Variants in ITGA8 observed in about 807,000 individuals in gnomAD.
ITGA8 encodes the protein integrin alpha-8.
ITGA8 carries 91 observed loss-of-function variants against 142.3 expected under a neutral mutation model. That is an observed-to-expected ratio of 0.64 (90% confidence interval 0.54 to 0.76). The LOEUF is 0.76. Among genes scored for constraint, ITGA8 ranks in the 30% least tolerant of loss-of-function variants. The pLI is 0.00. For missense variants in ITGA8, 1,406 were observed against 1,327.7 expected, an observed-to-expected ratio of 1.06 and a Z score of -0.92; for synonymous variants, 505 against 485.2, an observed-to-expected ratio of 1.04 and a Z score of -0.54.
chr10:15,519,271 A>G lies in ITGA8; in HGVS notation c.3105+19T>C, dbSNP rs769974883. On this transcript the variant is annotated intron_variant, in intron 29 of 29. Transcript: ENST00000378076. ...ACAGCCCCTCTAGTTTAAAAGGAAA[A>G]CAAAGTAAATCAACTTACCTTCCAT... 6.2e-7 allele frequency: 1 copy of G among 1,612,652 alleles called. No individual in the cohort carries two copies. Among genetic ancestry groups the G allele is most frequent in the South Asian group, 1.1e-5 (1 of 90,814 alleles).
intron 27 of ITGA8, among the ~76,000 whole-genome samples, chr10:15,534,948 A>G (rs1833390940): frequency 6.6e-6 from 1 of 152,088 alleles, no homozygotes; most frequent in African/African-American, 2.4e-5. Context: ...CGGCTCCCTC[A>G]GCTTGCCGGG....
chr10:15,518,818 C>T (rs577532125), intron 29 of ITGA8, among the ~76,000 whole-genome samples: 3 of 152,232 alleles, frequency 2.0e-5, no homozygotes, highest in African/African-American at 7.2e-5. Context: ...ATCTATTTGG[C>T]CTCATTAGTA....
intron 7 of ITGA8, 78 bp from the exon 8 acceptor site, chr10:15,671,725 G>A (rs905081648): frequency 5.8e-5 from 62 of 1,074,138 alleles, no homozygotes; most frequent in Middle Eastern, 4.0e-4. Context: ...AAAGGTGAAA[G>A]GGCTACCATG....
intron 8 of ITGA8, among the ~76,000 whole-genome samples, chr10:15,665,476 C>T (rs995019126): frequency 3.2e-4 from 49 of 152,232 alleles, no homozygotes; most frequent in African/African-American, 1.1e-3. Context: ...TGCCTGTTCA[C>T]TCTGATGGTA....
At chr10:15,573,599 G>T (rs1834228379) in intron 24 of ITGA8, among the ~76,000 whole-genome samples, 1 of 151,974 alleles carries the variant, frequency 6.6e-6, no homozygotes, top group Non-Finnish European at 1.5e-5. Context: ...AGGAGTTGAG[G>T]CATCTTCCCT....
At chr10:15,654,349 T>C (rs1834145215) in intron 11 of ITGA8, among the ~76,000 whole-genome samples, 1 of 152,240 alleles carries the variant, frequency 6.6e-6, no homozygotes, top group African/African-American at 2.4e-5. Flanking sequence ...AACTCTAGTA[T>C]AATCTTCATG....
At chr10:15,715,117 T>C (rs894707296) in intron 2 of ITGA8, among the ~76,000 whole-genome samples, 6 of 152,036 alleles carry the variant, frequency 3.9e-5, no homozygotes, top group Non-Finnish European at 7.4e-5. Flanking sequence ...GGGAGAACAG[T>C]ACGTTACTGG....
chr10:15,603,632 T>C (rs1049739283), intron 20 of ITGA8, among the ~76,000 whole-genome samples: 5 of 152,186 alleles, frequency 3.3e-5, no homozygotes, highest in Non-Finnish European at 7.4e-5. Context: ...ATAAATAGCA[T>C]TGTTGTCATT....
intron 8 of ITGA8, among the ~76,000 whole-genome samples, chr10:15,667,234 G>A (rs558368161): frequency 1.3e-5 from 2 of 152,144 alleles, no homozygotes; most frequent in Admixed American, 1.3e-4. Context: ...ACTTCTTTCT[G>A]GTTTAGTCTT....
rs67683436 is a variant in ITGA8 at position 15,549,201 on chromosome 10, G to GTTTTTTTTTTTT, written c.2767-645_2767-634dup. ...TTCTTTCTTTTTTCTTTTCTTTTCTGTTTTTTTTTTTTTTTTTTTTTTTTT... is the reference window on the plus strand; with the variant it reads ...TTCTTTCTTTTTTCTTTTCTTTTCTGTTTTTTTTTTTTTTTTTTTTTTTTTTTTTTTTTTTTT... On this transcript the variant is annotated intron_variant, in intron 26 of 29. Transcript: ENST00000378076. Among the ~76,000 whole-genome samples, 602 of 106,790 alleles carry GTTTTTTTTTTTT rather than the reference G, an allele frequency of 5.6e-3. 47 individuals carry two copies. Among genetic ancestry groups the GTTTTTTTTTTTT allele is most frequent in the African/African-American group, 8.0e-3 (149 of 18,614 alleles). The allele number at this position is 106,790 out of a possible 152,430, so 70.1% of individuals were successfully genotyped here.
chr10:15,708,107 C>A (rs1443962425), intron 2 of ITGA8, among the ~76,000 whole-genome samples: 2 of 151,976 alleles, frequency 1.3e-5, no homozygotes, highest in Non-Finnish European at 2.9e-5. Flanking sequence ...TGGACGTACT[C>A]CACGTCAAGA....
intron 17 of ITGA8, among the ~76,000 whole-genome samples, chr10:15,607,343 C>T (rs72779970): frequency 2.0e-5 from 3 of 152,188 alleles, no homozygotes; most frequent in African/African-American, 4.8e-5. Context: ...AAGACATACT[C>T]ACATAGGAGA....
chr10:15,657,340 C>A (rs755190021), intron 10 of ITGA8, among the ~76,000 whole-genome samples: 17 of 152,124 alleles, frequency 1.1e-4, no homozygotes, highest in Non-Finnish European at 2.1e-4. Flanking sequence ...TATTCAACTT[C>A]CCGCTCATCT....
chr10:15,593,717 A>T (rs934707946), intron 21 of ITGA8, among the ~76,000 whole-genome samples: 1 of 152,156 alleles, frequency 6.6e-6, no homozygotes, highest in Admixed American at 6.6e-5. Flanking sequence ...TACATTTGTC[A>T]TATCATTCAT....
intron 2 of ITGA8, among the ~76,000 whole-genome samples, chr10:15,711,777 A>T (rs1835368753): frequency 6.6e-6 from 1 of 152,210 alleles, no homozygotes; most frequent in Admixed American, 6.5e-5. Flanking sequence ...ACCCCCCAAA[A>T]AAAGAAAGAA....
chr10:15,572,619 C>T (rs1834206679), intron 24 of ITGA8, among the ~76,000 whole-genome samples: 1 of 152,168 alleles, frequency 6.6e-6, no homozygotes, highest in African/African-American at 2.4e-5. Context: ...AGTTGAAGAC[C>T]ATACTACCCT....
At chr10:15,519,699 G>A (rs1431347136) in intron 28 of ITGA8, among the ~76,000 whole-genome samples, 7 of 152,100 alleles carry the variant, frequency 4.6e-5, no homozygotes, top group South Asian at 2.1e-4. Flanking sequence ...TTGACAAGGT[G>A]GAAAGGAATG....
intron 3 of ITGA8, among the ~76,000 whole-genome samples, chr10:15,686,852 T>G (rs1834841107): frequency 6.6e-6 from 1 of 152,182 alleles, no homozygotes; most frequent in Non-Finnish European, 1.5e-5. Flanking sequence ...TTTTGAGGGT[T>G]TCTACAGTTA....
intron 8 of ITGA8, 48 bp from the exon 9 acceptor site, chr10:15,660,970 A>AAC (rs377666787): frequency 7.9e-5 from 109 of 1,388,306 alleles, no homozygotes; most frequent in South Asian, 6.7e-4. Context: ...CACACACACA[A>AAC]ACACACACAC....
Sources: gnomAD v4.1 joint callset for allele counts (sites outside exome capture counted in the v4.1 genomes callset) on GRCh38, gnomAD v4.1.1 for gene constraint, MANE v1.5 for transcripts, NCBI Gene and HGNC (gene_info 2026-07-23, HGNC 2026-07-21) for gene names.